Variants in SURF6 observed in about 807,000 individuals in gnomAD.
SURF6 encodes surfeit 6, also known as surfeit locus protein 6.
In SURF6, 28 loss-of-function variants were observed where a neutral mutation model predicts 37.5. The observed-to-expected ratio is 0.75, with a 90% CI of 0.55 to 1.02. The LOEUF (loss-of-function observed/expected upper bound fraction) is 1.02. Among genes scored for constraint, SURF6 ranks in the 50% least tolerant of loss-of-function variants. The probability of loss-of-function intolerance (pLI) is 0.00; values close to 1 mark genes in which losing one functional copy is unlikely to be tolerated. For synonymous variants in SURF6, 248 were observed against 210.9 expected, an observed-to-expected ratio of 1.18 and a Z score of -1.52; for missense variants, 560 against 490.5, an observed-to-expected ratio of 1.14 and a Z score of -1.34.
chr9:133,332,935 AAAAG>A lies in SURF6; in HGVS notation c.394-179_394-176del, dbSNP rs1336267692. The A allele has an allele frequency of 3.1e-4, 198 of 634,304 alleles. 1 individual carries two copies. In the East Asian group the frequency reaches 5.0e-3, roughly 16 times the overall value. 39.3% of individuals were successfully genotyped at this position (634,304 alleles called of 1,614,324 possible). A position where few individuals can be genotyped will look rare whatever the true frequency, so the allele number is the denominator to read the frequency against. On this transcript the variant is annotated intron_variant, in intron 3 of 4. Coordinates refer to ENST00000372022, the MANE Select transcript of SURF6 (RefSeq NM_006753.6). ...TGTTCCCCAAAAAGCAAATGACCCC[AAAAG>A]AGAGAAGGGACCCCCAAATAAGAAT...
At chr9:133,335,165 G>T (rs2129930125) in intron 1 of SURF6, among the ~76,000 whole-genome samples, 1 of 152,228 alleles carries the variant, frequency 6.6e-6, no homozygotes, top group East Asian at 1.9e-4. Flanking sequence ...TCACCATGTT[G>T]TCCAGGATGG....
Position 133,333,722 on chromosome 9 carries a change from C to T in SURF6, c.389G>A (p.Gly130Asp). The T allele has an allele frequency of 6.2e-7, 1 of 1,613,650 alleles. No homozygotes were observed. The highest frequency in any genetic ancestry group is 2.2e-5 in the East Asian group (1 of 44,864). Residue 130 changes from glycine to aspartate, a missense_variant, in exon 3 of 5, where the codon GGC (glycine) becomes GAC (aspartate). Transcript: ENST00000372022. ...CCAGCAAACCTGCCCGCCTACCTGG[C>T]CCCGGGCCTCCTGGATCTTCTCATG... ...RLHEKIQEAR[G>D]QGSAKELSPA... is the part of the protein sequence containing the mutation.
rs2129904185 is a variant in SURF6, at chr9:133,329,829, C to T, written c.*2040G>A. On this transcript the variant is annotated 3_prime_UTR_variant, in exon 5 of 5. Coordinates refer to ENST00000372022, the MANE Select transcript of SURF6 (RefSeq NM_006753.6). ...CTCGGCGCCTGGGTGGCTTGCCGCC[C>T]ACAGGTATTTGGTAACTTCCCTTTC... 5 of 152,336 alleles carry T rather than the reference C, an allele frequency of 3.3e-5. No homozygotes were observed. The highest frequency in any genetic ancestry group is 6.5e-5 in the Admixed American group (1 of 15,302). The allele number at this position is 152,336 out of a possible 1,614,324, so 9.4% of individuals were successfully genotyped here.
Position 133,332,088 on chromosome 9 carries a change from C to T in SURF6, c.867G>A (p.Leu289=), listed in dbSNP as rs2129914870. The T allele has an allele frequency of 1.9e-6, 3 of 1,608,572 alleles. No homozygotes were observed. The South Asian group carries it at 3.3e-5, about 18-fold the overall frequency. Residue 289 remains leucine, a synonymous_variant, in exon 5 of 5, where the codon CTG becomes CTA. Coordinates refer to ENST00000372022, the MANE Select transcript of SURF6 (RefSeq NM_006753.6). Reference sequence around the variant, plus strand: ...TCTCCTTGCGCTTCAGGGCCTCCTGCAGCAGGCGTTCGTCGTCACGGATCT... The same window carrying T: ...TCTCCTTGCGCTTCAGGGCCTCCTGTAGCAGGCGTTCGTCGTCACGGATCT... ...GVKIRDDERL[L]QEALKRKEKR... is the part of the protein sequence containing the mutation.
Position 133,331,716 on chromosome 9 carries a change from T to TG in SURF6, c.*152dup, listed in dbSNP as rs1261963637. ...TCTTTCTCACATGGGATCTGTGATC[T>TG]GGGCCCTCACAACTCAGCAGAGCAC... On this transcript the variant is annotated 3_prime_UTR_variant, in exon 5 of 5. Coordinates refer to ENST00000372022, the MANE Select transcript of SURF6 (RefSeq NM_006753.6). 3.7e-5 allele frequency: 36 copies of TG among 983,930 alleles called. No individual in the cohort carries two copies. Among genetic ancestry groups the TG allele is most frequent in the Non-Finnish European group, 4.6e-5 (34 of 732,960 alleles). The allele number at this position is 983,930 out of a possible 1,614,324, so 60.9% of individuals were successfully genotyped here.
intron 3 of SURF6, 151 bp from the exon 4 acceptor site, chr9:133,332,911 G>C: frequency 1.4e-6 from 1 of 707,638 alleles, no homozygotes; most frequent in Non-Finnish European, 2.3e-6. Flanking sequence ...CCACCATGAT[G>C]TTCCCCAAAA....
Position 133,334,686 on chromosome 9 carries a change from A to C in SURF6, c.95-85T>G. 2.7e-6 allele frequency: 4 copies of C among 1,502,106 alleles called. No homozygotes were observed. In the South Asian group the frequency reaches 4.9e-5, roughly 18 times the overall value. 93.0% of individuals were successfully genotyped at this position (1,502,106 alleles called of 1,614,324 possible). ...AAAGGCTCACCAAGGCTTTGATCCC[A>C]GGAAGATGCCGAAAGAGGATCAGGA... On this transcript the variant is annotated intron_variant, in intron 1 of 4. Transcript: ENST00000372022.
Position 133,330,740 on chromosome 9 carries a change from T to C in SURF6, c.*1129A>G, listed in dbSNP as rs1042639357. On this transcript the variant is annotated 3_prime_UTR_variant, in exon 5 of 5. Transcript: ENST00000372022. Reference sequence around the variant, plus strand: ...ATAGCTCAAATTTTTTTTAATGACATTGGGATACGGTCAGATAACGACACT... The same window carrying C: ...ATAGCTCAAATTTTTTTTAATGACACTGGGATACGGTCAGATAACGACACT... 6 of 152,174 alleles carry C rather than the reference T, an allele frequency of 3.9e-5. No homozygotes were observed. The highest frequency in any genetic ancestry group is 1.4e-4 in the African/African-American group (6 of 41,440). 9.4% of individuals were successfully genotyped at this position (152,174 alleles called of 1,614,324 possible). A position where few individuals can be genotyped will look rare whatever the true frequency, so the allele number is the denominator to read the frequency against.
At position 133,331,057 on chromosome 9, in the gene SURF6, A is replaced by G. The variant is rs1237454828; in HGVS notation, c.*812T>C. 1 of 152,180 alleles carries G rather than the reference A, an allele frequency of 6.6e-6. No homozygotes were observed. The highest frequency in any genetic ancestry group is 1.9e-4 in the East Asian group (1 of 5,208). The allele number at this position is 152,180 out of a possible 1,614,324, so 9.4% of individuals were successfully genotyped here. On this transcript the variant is annotated 3_prime_UTR_variant, in exon 5 of 5. Transcript: ENST00000372022. ...ACAGCTTTATCATCCATATGCCACT[A>G]AAATTCACCTGTTTTCTTTCAACCT...
chr9:133,329,544 G>C lies in SURF6; in HGVS notation c.*2325C>G, dbSNP rs782175407. ...GACCAAGGAGCCCTCTGGTGGCCCT[G>C]TCCGGGCATAACAGAAGGCTCGCAC... On this transcript the variant is annotated 3_prime_UTR_variant, in exon 5 of 5. Coordinates refer to ENST00000372022, the MANE Select transcript of SURF6 (RefSeq NM_006753.6). The C allele has an allele frequency of 5.3e-6, 1 of 189,490 alleles. No individual in the cohort carries two copies. The highest frequency in any genetic ancestry group is 2.2e-3 in the Middle Eastern group (1 of 452). The allele number at this position is 189,490 out of a possible 1,614,324, so 11.7% of individuals were successfully genotyped here. A position where few individuals can be genotyped will look rare whatever the true frequency, so the allele number is the denominator to read the frequency against.
Position 133,330,982 on chromosome 9 carries a change from T to G in SURF6, c.*887A>C, listed in dbSNP as rs372966345. ...AACAGTCACACCAGCTCCTGTTCAG[T>G]TACAGTCTTTGTCTCATAACCGGAG... On this transcript the variant is annotated 3_prime_UTR_variant, in exon 5 of 5. Transcript: ENST00000372022. 1 of 152,212 alleles carries G rather than the reference T, an allele frequency of 6.6e-6. No homozygotes were observed. The highest frequency in any genetic ancestry group is 1.5e-5 in the Non-Finnish European group (1 of 68,042). 9.4% of individuals were successfully genotyped at this position (152,212 alleles called of 1,614,324 possible). A position where few individuals can be genotyped will look rare whatever the true frequency, so the allele number is the denominator to read the frequency against.
In SURF6 at chr9:133,334,389, C is replaced by T. The variant is rs1046328723; in HGVS notation, c.304+3G>A. ...AGAACCAACATGCCCTGAAGCCTCT[C>T]ACCTGCAGGGTTCCCTGCTGAGCTG... On this transcript the variant is annotated splice_donor_region_variant and intron_variant, in intron 2 of 4. Coordinates refer to ENST00000372022, the MANE Select transcript of SURF6 (RefSeq NM_006753.6). 4 of 1,611,374 alleles carry T rather than the reference C, an allele frequency of 2.5e-6. No individual in the cohort carries two copies. Among genetic ancestry groups the T allele is most frequent in the African/African-American group, 1.3e-5 (1 of 74,816 alleles).
In SURF6 at chr9:133,332,043, C is replaced by T. The variant is rs2129914346; in HGVS notation, c.912G>A (p.Gln304=). The change falls in exon 5 of 5, where the codon CAG becomes CAA. Residue 304 remains glutamine, a synonymous_variant. Transcript: ENST00000372022. ...KRKEKRRAQR[Q]RRWEKRTAGV... Reference sequence around the variant, plus strand: ...CGGCCGTGCGCTTCTCCCACCGGCGCTGCCGCTGCGCCCTGCGCTTCTCCT... The same window carrying T: ...CGGCCGTGCGCTTCTCCCACCGGCGTTGCCGCTGCGCCCTGCGCTTCTCCT... The T allele has an allele frequency of 1.9e-6, 3 of 1,603,660 alleles. No homozygotes were observed. Among genetic ancestry groups the T allele is most frequent in the East Asian group, 4.5e-5 (2 of 44,856 alleles).
At position 133,331,851 on chromosome 9, in the gene SURF6, G is replaced by A; in HGVS notation, c.*18C>T. 6.7e-7 allele frequency: 1 copy of A among 1,496,662 alleles called. No homozygotes were observed. The highest frequency in any genetic ancestry group is 8.8e-7 in the Non-Finnish European group (1 of 1,133,310). 92.7% of individuals were successfully genotyped at this position (1,496,662 alleles called of 1,614,324 possible). On this transcript the variant is annotated 3_prime_UTR_variant, in exon 5 of 5. Coordinates refer to ENST00000372022, the MANE Select transcript of SURF6 (RefSeq NM_006753.6). ...GAGTCTCCTAGGACGGAAGACGGCGGCCCCAGGTGGGAAAGACTCAGACCA... is the reference window on the plus strand; with the variant it reads ...GAGTCTCCTAGGACGGAAGACGGCGACCCCAGGTGGGAAAGACTCAGACCA...
At chr9:133,334,103 C>T (rs1835814697) in intron 2 of SURF6, among the ~76,000 whole-genome samples, 1 of 152,156 alleles carries the variant, frequency 6.6e-6, no homozygotes, top group South Asian at 2.1e-4. Flanking sequence ...TCACAAGGCC[C>T]CTGCAGAGAC....
In SURF6 at chr9:133,332,093, G is replaced by A; in HGVS notation, c.862C>T (p.Leu288=). 6.2e-7 allele frequency: 1 copy of A among 1,608,908 alleles called. No individual in the cohort carries two copies. ...TTGCGCTTCAGGGCCTCCTGCAGCA[G>A]GCGTTCGTCGTCACGGATCTTCACG... is the stretch of plus-strand genomic sequence containing the variant. ...EGVKIRDDER[L]LQEALKRKEK... Residue 288 remains leucine (L), a synonymous_variant, in exon 5 of 5, where the codon CTG becomes TTG. Coordinates refer to ENST00000372022, the MANE Select transcript of SURF6 (RefSeq NM_006753.6).
rs754597583 is a variant in SURF6, at chr9:133,331,021, G to C, written c.*848C>G. ...TCATAACCGGAGAGTTTCATCAAAA[G>C]AATTTTATTTACAGCTTTATCATCC... On this transcript the variant is annotated 3_prime_UTR_variant, in exon 5 of 5. Transcript: ENST00000372022. The C allele has an allele frequency of 1.3e-5, 2 of 152,144 alleles. No homozygotes were observed. The highest frequency in any genetic ancestry group is 4.8e-5 in the African/African-American group (2 of 41,424). 9.4% of individuals were successfully genotyped at this position (152,144 alleles called of 1,614,324 possible).
chr9:133,335,602 G>A (rs1341488262), intron 1 of SURF6, among the ~76,000 whole-genome samples: 4 of 151,724 alleles, frequency 2.6e-5, no homozygotes, highest in African/African-American at 9.7e-5. Flanking sequence ...AAGCGCAGGA[G>A]CCCTCTGCCA....
rs1290997358 is a variant in SURF6 at position 133,331,815 on chromosome 9, A to G, written c.*54T>C. 9 of 1,483,088 alleles carry G rather than the reference A, an allele frequency of 6.1e-6. No homozygotes were observed. The East Asian group carries it at 1.7e-4, about 28-fold the overall frequency. The allele number at this position is 1,483,088 out of a possible 1,614,324, so 91.9% of individuals were successfully genotyped here. The stretch of plus-strand genomic sequence containing the variant: ...GACAGAGCCAGCGTCAAGGACTCAG[A>G]GGGTGTCCTGGAGTCTCCTAGGACG... On this transcript the variant is annotated 3_prime_UTR_variant, in exon 5 of 5. Coordinates refer to ENST00000372022, the MANE Select transcript of SURF6 (RefSeq NM_006753.6).
Sources: allele counts gnomAD v4.1 joint callset (sites outside exome capture counted in the v4.1 genomes callset), GRCh38; gene constraint gnomAD v4.1.1; transcripts MANE v1.5; gene names NCBI Gene and HGNC (gene_info 2026-07-23, HGNC 2026-07-21).